The following COL3A1 variants were observed in gnomAD, a reference collection of about 807,000 sequenced individuals.
The protein encoded by COL3A1 is collagen alpha-1(III) chain.
COL3A1 carries 46 observed loss-of-function variants against 200.9 expected under a neutral mutation model. The observed-to-expected ratio is 0.23, with a 90% CI of 0.18 to 0.29. The LOEUF (loss-of-function observed/expected upper bound fraction) is 0.29, where lower values mean the gene tolerates loss of function less well. COL3A1 is among the 10% of genes least tolerant of loss of function. The probability of loss-of-function intolerance (pLI) is 1.00; values close to 1 mark genes in which losing one functional copy is unlikely to be tolerated. For synonymous variants in COL3A1, 650 were observed against 628.0 expected (o/e 1.03, Z -0.52); for missense variants, 1,367 against 1,917.6 (o/e 0.71, Z 5.36).
intron 26 of COL3A1, 129 bp downstream of exon 26, chr2:188,997,518 AC>A: frequency 8.4e-7 from 1 of 1,190,052 alleles, no homozygotes. Context: ...AAACTTGCTG[AC>A]CTAGTTATCT....
rs1185926328 is a variant in COL3A1 at position 189,003,742 on chromosome 2, T to A, written c.2616T>A (p.Ala872=). The change falls in exon 38 of 51, where the codon GCT becomes GCA. Residue 872 remains alanine (A), a synonymous_variant. Transcript: ENST00000304636. The part of the protein sequence containing the change: ...ERGSPGGPGA[A]GFPGARGLPG... ...ATATTACCATTTCACAGGGTGCTGCTGGCTTCCCTGGTGCTCGTGGTCTTC... is the reference window on the plus strand; with the variant it reads ...ATATTACCATTTCACAGGGTGCTGCAGGCTTCCCTGGTGCTCGTGGTCTTC... 1 of 1,614,156 alleles carries A rather than the reference T, an allele frequency of 6.2e-7. No individual in the cohort carries two copies. The highest frequency in any genetic ancestry group is 1.3e-5 in the African/African-American group (1 of 75,052).
chr2:188,992,069 T>C, intron 13 of COL3A1, 115 bp from the exon 14 acceptor site: 1 of 965,472 alleles, frequency 1.0e-6, no homozygotes, highest in Non-Finnish European at 1.7e-6. Context: ...ATTAAGCAGA[T>C]TTTAATGTAC....
rs1688465341 is a variant in COL3A1 at position 189,001,589 on chromosome 2, T to C, written c.2391T>C (p.Pro797=). The C allele has an allele frequency of 2.5e-6, 4 of 1,613,368 alleles. No individual in the cohort carries two copies. Among genetic ancestry groups the C allele is most frequent in the Non-Finnish European group, 3.4e-6 (4 of 1,179,988 alleles). ...LPGIAGPRGS[P]GERGETGPPG... Reference sequence around the variant, plus strand: ...GTATAGCTGGACCTCGTGGTAGCCCTGTAAGTGTTAAAGACATTCTCAACA... The same window carrying C: ...GTATAGCTGGACCTCGTGGTAGCCCCGTAAGTGTTAAAGACATTCTCAACA... Residue 797 remains proline (P), a splice_region_variant and synonymous_variant, in exon 34 of 51, where the codon CCT becomes CCC. Transcript: ENST00000304636.
chr2:188,997,796 A>G (rs936498475), intron 27 of COL3A1, 43 bp downstream of exon 27: 1 of 1,576,342 alleles, frequency 6.3e-7, no homozygotes, highest in African/African-American at 1.3e-5. Flanking sequence ...TCTGACTGTC[A>G]AATTTTTTTG....
rs545199324 is a variant in COL3A1, at chr2:188,979,403, G to A, written c.79+4835G>A. 9.9e-5 allele frequency among the ~76,000 whole-genome samples: 15 copies of A among 152,036 alleles called. No individual in the cohort carries two copies. In the East Asian group the frequency reaches 1.9e-3, roughly 20 times the overall value. On this transcript the variant is annotated intron_variant, in intron 1 of 50. Transcript: ENST00000304636. ...ATTTTCTGAAAAACAGTGTGTTAAT[G>A]AGACATCTTAAACATATTTTTGCAT... is the stretch of plus-strand genomic sequence containing the variant.
rs1202666797 is a variant in COL3A1, at chr2:188,985,655, T to C, written c.334-10T>C. The C allele has an allele frequency of 6.3e-7, 1 of 1,578,510 alleles. No individual in the cohort carries two copies. The highest frequency in any genetic ancestry group is 8.7e-7 in the Non-Finnish European group (1 of 1,151,838). ...TTTCACTATTTAATTTATTTTTATC[T>C]CTTTTTTAGGGCCCTCCTGGTATTC... On this transcript the variant is annotated splice_polypyrimidine_tract_variant and intron_variant, in intron 3 of 50. Coordinates refer to ENST00000304636, the MANE Select transcript of COL3A1 (RefSeq NM_000090.4).
rs879208899 is a variant in COL3A1, at chr2:189,002,183, C to A, written c.2392-115C>A. 295 of 860,056 alleles carry A rather than the reference C, an allele frequency of 3.4e-4. 1 individual carries two copies. The highest frequency in any genetic ancestry group is 5.9e-6 in the Non-Finnish European group (3 of 509,488). 53.3% of individuals were successfully genotyped at this position (860,056 alleles called of 1,614,324 possible). ...AAAGTCTTCAGAAGTTTATTGGCTA[C>A]TCTGCACATTTCCTGCTTAAAGGAA... On this transcript the variant is annotated intron_variant, in intron 34 of 50. Transcript: ENST00000304636.
intron 47 of COL3A1, chr2:189,008,356 G>A (rs573321243): frequency 1.7e-6 from 1 of 572,234 alleles, no homozygotes; most frequent in Non-Finnish European, 3.1e-6. Context: ...ATTTGATCAG[G>A]TATCCATCGT....
chr2:188,994,498 C>T lies in COL3A1; in HGVS notation c.1294-43C>T, dbSNP rs376165017. On this transcript the variant is annotated intron_variant, in intron 18 of 50. Coordinates refer to ENST00000304636, the MANE Select transcript of COL3A1 (RefSeq NM_000090.4). The surrounding 1 kb of genome is among the most constrained non-coding windows in gnomAD (Gnocchi z 4.5). ...GTGTTACTGGTGATGATTTGTTAGT[C>T]GAATCCTCCCTGTGTTTCAACCAAG... The T allele has an allele frequency of 1.5e-4, 240 of 1,604,886 alleles. No homozygotes were observed. The highest frequency in any genetic ancestry group is 1.9e-4 in the Non-Finnish European group (219 of 1,171,856).
chr2:189,006,521 G>T, intron 43 of COL3A1, 69 bp downstream of exon 43: 1 of 1,485,094 alleles, frequency 6.7e-7, no homozygotes, highest in Non-Finnish European at 9.3e-7. Context: ...GTAGGTAGAA[G>T]GTAGAATGTC....
In COL3A1 at chr2:189,009,157, T is replaced by C. The variant is rs1210704591; in HGVS notation, c.3759T>C (p.Gly1253=). ...GQIESLISPD[G]SRKNPARNCR... ...TAGAAAGCCTCATTAGTCCTGATGG[T>C]TCTCGTAAAAACCCCGCTAGAAACT... The change falls in exon 48 of 51, where the codon GGT becomes GGC. Residue 1253 remains glycine (G), a synonymous_variant. Coordinates refer to ENST00000304636, the MANE Select transcript of COL3A1 (RefSeq NM_000090.4). The C allele has an allele frequency of 6.2e-7, 1 of 1,614,216 alleles. No homozygotes were observed. Among genetic ancestry groups the C allele is most frequent in the East Asian group, 2.2e-5 (1 of 44,888 alleles).
chr2:189,002,815 T>C (rs1363519966), intron 35 of COL3A1, 140 bp from the exon 36 acceptor site: 3 of 721,376 alleles, frequency 4.2e-6, no homozygotes, highest in Non-Finnish European at 7.4e-6. Context: ...CATTTTGTCA[T>C]GTCTTCAGAA....
At chr2:188,997,806 G>C in intron 27 of COL3A1, 53 bp downstream of exon 27, 1 of 1,494,418 alleles carries the variant, frequency 6.7e-7, no homozygotes, top group Non-Finnish European at 9.3e-7. Flanking sequence ...AAATTTTTTT[G>C]TGTCCCTAAT....
intron 25 of COL3A1, 41 bp downstream of exon 25, chr2:188,997,259 A>G: frequency 6.2e-7 from 1 of 1,613,246 alleles, no homozygotes. Context: ...CTTCTAATAG[A>G]TGCGTTCATC....
chr2:188,998,340 C>G (rs951372713), intron 28 of COL3A1, 21 bp downstream of exon 28: 8 of 1,606,862 alleles, frequency 5.0e-6, no homozygotes, highest in Non-Finnish European at 6.8e-6. Flanking sequence ...TTTCATTATT[C>G]AAAACTCAGA....
chr2:188,981,310 A>G (rs1687947943), intron 1 of COL3A1, among the ~76,000 whole-genome samples: 1 of 151,692 alleles, frequency 6.6e-6, no homozygotes, highest in Non-Finnish European at 1.5e-5. Flanking sequence ...TTTATATTAT[A>G]GATCCCAGCA....
intron 1 of COL3A1, among the ~76,000 whole-genome samples, chr2:188,977,621 G>A (rs1018828728): frequency 2.0e-5 from 3 of 152,022 alleles, no homozygotes; most frequent in African/African-American, 7.2e-5. Flanking sequence ...ACATGGATCA[G>A]TGCTTTATTT....
intron 36 of COL3A1, 139 bp downstream of exon 36, chr2:189,003,201 C>A: frequency 1.2e-6 from 1 of 823,322 alleles, no homozygotes; most frequent in Non-Finnish European, 2.0e-6. Flanking sequence ...GGAGGTTTAT[C>A]AGTAATTTAA....
intron 48 of COL3A1, among the ~76,000 whole-genome samples, chr2:189,009,842 A>G (rs1163279831): frequency 2.6e-5 from 4 of 152,198 alleles, no homozygotes; most frequent in Admixed American, 2.6e-4. Context: ...TCTAGGTTAG[A>G]CAACCAGCTT....
Sources: allele counts gnomAD v4.1 joint callset (sites outside exome capture counted in the v4.1 genomes callset), GRCh38; gene constraint gnomAD v4.1.1; non-coding constraint Gnocchi (gnomAD v3.1); transcripts MANE v1.5; gene names NCBI Gene and HGNC (gene_info 2026-07-23, HGNC 2026-07-21).